ODAD2: variants seen among roughly 807,000 people sequenced by gnomAD.
ODAD2 encodes the protein outer dynein arm-docking complex subunit 2.
A neutral mutation model predicts 106.8 loss-of-function variants in ODAD2; 89 were observed. The observed-to-expected ratio is 0.83, with a 90% CI of 0.70 to 0.99. ODAD2 has a LOEUF of 0.99. ODAD2 is among the 50% of genes least tolerant of loss of function. The pLI, the probability that ODAD2 is intolerant of heterozygous loss-of-function variation, is 0.00. For missense variants in ODAD2, 1,168 were observed against 1,238.5 expected (o/e 0.94, Z 0.85); for synonymous variants, 404 against 436.2 (o/e 0.93, Z 0.92).
chr10:27,927,677 T>G (rs1845344750), intron 16 of ODAD2, among the ~76,000 whole-genome samples: 1 of 152,164 alleles, frequency 6.6e-6, no homozygotes, highest in Non-Finnish European at 1.5e-5. Flanking sequence ...TTTAACATGT[T>G]TGACCTCTTT....
At chr10:27,924,012 A>G (rs149067543) in intron 16 of ODAD2, among the ~76,000 whole-genome samples, 1,165 of 112,950 alleles carry the variant, frequency 0.01, 61 homozygotes, top group African/African-American at 0.042. Context: ...GAAAGAAAGA[A>G]AGAAAGAAAG....
chr10:27,907,585 C>T, intron 17 of ODAD2, 78 bp downstream of exon 17: 1 of 918,480 alleles, frequency 1.1e-6, no homozygotes. Context: ...AAGTCAAAAG[C>T]AATTAGTAAC....
At chr10:27,827,935 A>G (rs548625411) in intron 19 of ODAD2, among the ~76,000 whole-genome samples, 1 of 152,234 alleles carries the variant, frequency 6.6e-6, no homozygotes. Context: ...TGCTACTTTA[A>G]AAGTTCTAGC....
In ODAD2 at chr10:27,935,137, G is replaced by A. The variant is rs1229705288; in HGVS notation, c.2368C>T (p.Arg790Ter). 1.9e-6 allele frequency: 3 copies of A among 1,613,910 alleles called. No homozygotes were observed. The highest frequency in any genetic ancestry group is 2.5e-6 in the Non-Finnish European group (3 of 1,179,886). The change falls in exon 16 of 20, where the codon CGA becomes TGA. Residue 790 changes from arginine (R) to a stop codon, truncating the protein, a stop_gained. Transcript: ENST00000305242. LOFTEE classifies it high-confidence loss of function. Reference sequence around the variant, plus strand: ...CCACCACATTTCCGGACAATGACTCGGTTTTCACGTTCTTGGCAGCATTCT... The same window carrying A: ...CCACCACATTTCCGGACAATGACTCAGTTTTCACGTTCTTGGCAGCATTCT... ...LGECCQEREN[R>*]VIVRKCGGIQ...
chr10:27,857,565 A>G (rs1839747272), intron 19 of ODAD2, among the ~76,000 whole-genome samples: 1 of 152,218 alleles, frequency 6.6e-6, no homozygotes, highest in Non-Finnish European at 1.5e-5. Context: ...TTAATATTAC[A>G]TACATGGCTT....
chr10:27,825,168 T>G (rs1003660955), intron 19 of ODAD2, among the ~76,000 whole-genome samples: 5 of 152,156 alleles, frequency 3.3e-5, no homozygotes, highest in African/African-American at 1.2e-4. Context: ...TGAACAAAAT[T>G]TGTTGGCTTT....
intron 3 of ODAD2, 109 bp downstream of exon 3, chr10:27,987,277 T>C (rs1849930168): frequency 2.0e-6 from 2 of 979,002 alleles, no homozygotes; most frequent in Non-Finnish European, 3.0e-6. Flanking sequence ...TTGTAGATTG[T>C]AGAATCTTTT....
At chr10:27,989,292 CT>C (rs1850076029) in intron 2 of ODAD2, among the ~76,000 whole-genome samples, 1 of 152,148 alleles carries the variant, frequency 6.6e-6, no homozygotes, top group Admixed American at 6.5e-5. Flanking sequence ...GGGACTGCCC[CT>C]ATCACCAGCA....
intron 17 of ODAD2, among the ~76,000 whole-genome samples, chr10:27,891,638 T>C (rs1452431505): frequency 1.2e-4 from 18 of 152,014 alleles, no homozygotes; most frequent in Admixed American, 1.2e-3. Context: ...TTACTTCTTA[T>C]GAAAATGCAA....
At chr10:27,955,431 A>G (rs948807561) in intron 10 of ODAD2, among the ~76,000 whole-genome samples, 3 of 152,144 alleles carry the variant, frequency 2.0e-5, no homozygotes, top group Non-Finnish European at 4.4e-5. Flanking sequence ...CAGTGGAACC[A>G]AACAACCAGG....
intron 17 of ODAD2, among the ~76,000 whole-genome samples, chr10:27,889,151 T>C (rs1039889230): frequency 2.0e-5 from 3 of 152,132 alleles, no homozygotes; most frequent in Non-Finnish European, 4.4e-5. Flanking sequence ...TGAAAGGAGA[T>C]AGAAAAACAT....
At chr10:27,917,148 C>G (rs562836887) in intron 16 of ODAD2, among the ~76,000 whole-genome samples, 103 of 152,124 alleles carry the variant, frequency 6.8e-4, no homozygotes, top group African/African-American at 2.4e-3. Flanking sequence ...AGTCATAAAG[C>G]CTAATATGAA....
At chr10:27,909,865 T>C (rs1361920689) in intron 16 of ODAD2, among the ~76,000 whole-genome samples, 2 of 134,804 alleles carry the variant, frequency 1.5e-5, no homozygotes, top group Non-Finnish European at 3.2e-5. Flanking sequence ...TACGGAATGA[T>C]AACTTCCTAT....
At chr10:27,840,774 C>T (rs952587464) in intron 19 of ODAD2, among the ~76,000 whole-genome samples, 4 of 152,168 alleles carry the variant, frequency 2.6e-5, no homozygotes, top group Non-Finnish European at 4.4e-5. Context: ...GAGCTCAGCG[C>T]CTTCTTAGGG....
chr10:27,842,962 CTT>C (rs1189635554), intron 19 of ODAD2, among the ~76,000 whole-genome samples: 14 of 152,138 alleles, frequency 9.2e-5, no homozygotes, highest in Admixed American at 5.9e-4. Context: ...TTAATAGACT[CTT>C]TTAATATATA....
intron 19 of ODAD2, among the ~76,000 whole-genome samples, chr10:27,857,597 G>C (rs1216735364): frequency 3.3e-5 from 5 of 152,184 alleles, no homozygotes; most frequent in Non-Finnish European, 5.9e-5. Flanking sequence ...CTGCTGGGCA[G>C]CGCTGCTTTA....
intron 9 of ODAD2, among the ~76,000 whole-genome samples, chr10:27,967,542 G>C (rs1848562314): frequency 1.3e-5 from 2 of 151,782 alleles, no homozygotes; most frequent in South Asian, 4.2e-4. Context: ...CACCAGCCTG[G>C]AGAAGCAACA....
chr10:27,877,567 C>T (rs190713267), intron 17 of ODAD2, among the ~76,000 whole-genome samples: 1 of 152,226 alleles, frequency 6.6e-6, no homozygotes, highest in Admixed American at 6.5e-5. Flanking sequence ...AAACATATGA[C>T]GTCTTGCCTC....
At chr10:27,877,854 A>G (rs1841448269) in intron 17 of ODAD2, among the ~76,000 whole-genome samples, 1 of 152,184 alleles carries the variant, frequency 6.6e-6, no homozygotes, top group Non-Finnish European at 1.5e-5. Context: ...GGACTTCCAC[A>G]TGCATTATCT....
Sources: gnomAD v4.1 joint callset for allele counts (sites outside exome capture counted in the v4.1 genomes callset) on GRCh38, gnomAD v4.1.1 for gene constraint, MANE v1.5 for transcripts, NCBI Gene and HGNC (gene_info 2026-07-23, HGNC 2026-07-21) for gene names.